Variants in SPAG16 observed in about 807,000 individuals in gnomAD.
The protein encoded by SPAG16 is sperm associated antigen 16, also known as sperm-associated antigen 16 protein.
SPAG16 carries 86 observed loss-of-function variants against 80.4 expected under a neutral mutation model. The ratio of observed to expected loss-of-function variants is 1.07; its 90% CI spans 0.90 to 1.28. SPAG16 has a LOEUF of 1.28. Ranked by LOEUF, SPAG16 falls within the 50% of genes most tolerant of loss-of-function variation. SPAG16 has a pLI of 0.00. For synonymous variants in SPAG16, 294 were observed against 265.9 expected (o/e 1.11, Z -1.03); for missense variants, 870 against 765.3 (o/e 1.14, Z -1.61).
At chr2:213,796,163 A>G (rs2071017485) in intron 10 of SPAG16, among the ~76,000 whole-genome samples, 1 of 152,080 alleles carries the variant, frequency 6.6e-6, no homozygotes. Flanking sequence ...TTTTATTTAT[A>G]TATTATAGTA....
chr2:213,624,955 T>C (rs2061911475), intron 10 of SPAG16, among the ~76,000 whole-genome samples: 1 of 152,140 alleles, frequency 6.6e-6, no homozygotes, highest in South Asian at 2.1e-4. Flanking sequence ...CATGCCCAGC[T>C]AATTTTTGTA....
chr2:213,776,823 G>A (rs2069609209), intron 10 of SPAG16, among the ~76,000 whole-genome samples: 1 of 91,678 alleles, frequency 1.1e-5, no homozygotes, highest in African/African-American at 3.4e-5. Flanking sequence ...AGCGTTCTAT[G>A]CCACCCCCCC....
Position 213,489,989 on chromosome 2 carries a change from A to G in SPAG16, c.969A>G (p.Gln323=), listed in dbSNP as rs377290499. ...TKDSEFPIDM[Q]PNPNLNVSKE... is the part of the protein sequence containing the mutation. ...ATTCAGAATTTCCCATAGATATGCA[A>G]CCAAATCCAAACCTGAATGTTTCTA... Residue 323 remains glutamine, a synonymous_variant, in exon 10 of 16, where the codon CAA becomes CAG. Transcript: ENST00000331683. 3 of 1,607,758 alleles carry G rather than the reference A, an allele frequency of 1.9e-6. No homozygotes were observed. Among genetic ancestry groups the G allele is most frequent in the African/African-American group, 2.7e-5 (2 of 74,726 alleles).
At chr2:213,594,510 T>G (rs2060819435) in intron 10 of SPAG16, among the ~76,000 whole-genome samples, 1 of 152,122 alleles carries the variant, frequency 6.6e-6, no homozygotes, top group African/African-American at 2.4e-5. Flanking sequence ...GCGGGGAGAA[T>G]GGGGGTGTGC....
intron 11 of SPAG16, among the ~76,000 whole-genome samples, chr2:213,868,897 A>G (rs1463467667): frequency 6.6e-6 from 1 of 152,160 alleles, no homozygotes; most frequent in Non-Finnish European, 1.5e-5. Flanking sequence ...ATATTTATGT[A>G]GTGCCTAAAA....
At chr2:214,303,508 T>C (rs1694702193) in intron 15 of SPAG16, among the ~76,000 whole-genome samples, 1 of 152,206 alleles carries the variant, frequency 6.6e-6, no homozygotes, top group South Asian at 2.1e-4. Flanking sequence ...TGAAGGTATT[T>C]TCTTAATAGG....
chr2:213,454,773 T>C (rs1169708403), intron 9 of SPAG16, among the ~76,000 whole-genome samples: 2 of 152,190 alleles, frequency 1.3e-5, no homozygotes, highest in Non-Finnish European at 2.9e-5. Context: ...TGAGCTCTTC[T>C]TTTACAGTCA....
chr2:214,228,297 G>T (rs1322091938), intron 15 of SPAG16, among the ~76,000 whole-genome samples: 1 of 151,718 alleles, frequency 6.6e-6, no homozygotes, highest in Admixed American at 6.6e-5. Context: ...AATTGAAAAA[G>T]TTTTCTCAAA....
At chr2:213,917,151 A>G (rs894264401) in intron 11 of SPAG16, among the ~76,000 whole-genome samples, 22 of 152,126 alleles carry the variant, frequency 1.4e-4, no homozygotes, top group African/African-American at 5.3e-4. Context: ...CTGTTTTTGC[A>G]CCAGTACCAT....
chr2:213,414,109 C>G (rs548598737), intron 9 of SPAG16, among the ~76,000 whole-genome samples: 1 of 152,160 alleles, frequency 6.6e-6, no homozygotes, highest in African/African-American at 2.4e-5. Flanking sequence ...ATTTTAACCA[C>G]TCTTTTCCAA....
chr2:213,337,594 CA>C, intron 5 of SPAG16, among the ~76,000 whole-genome samples: 1 of 151,948 alleles, frequency 6.6e-6, no homozygotes, highest in Non-Finnish European at 1.5e-5. Flanking sequence ...CATCAATAGC[CA>C]AAGAGACGAA....
chr2:213,875,551 T>G (rs965352184), intron 11 of SPAG16, among the ~76,000 whole-genome samples: 1 of 152,084 alleles, frequency 6.6e-6, no homozygotes, highest in Non-Finnish European at 1.5e-5. Flanking sequence ...AATTAAAGAG[T>G]CAACTAATTC....
intron 15 of SPAG16, among the ~76,000 whole-genome samples, chr2:214,184,878 G>T (rs886869647): frequency 6.6e-6 from 1 of 151,910 alleles, no homozygotes; most frequent in Admixed American, 6.6e-5. Flanking sequence ...TCAAAATAAA[G>T]TCTTCACTAA....
At chr2:214,076,707 G>T (rs1270730769) in intron 13 of SPAG16, among the ~76,000 whole-genome samples, 3 of 152,116 alleles carry the variant, frequency 2.0e-5, no homozygotes, top group African/African-American at 7.2e-5. Context: ...TATAGAATGT[G>T]CCTTGGGCTG....
intron 9 of SPAG16, among the ~76,000 whole-genome samples, chr2:213,402,441 T>C (rs140835638): frequency 0.021 from 3,176 of 152,194 alleles, 104 homozygotes; most frequent in African/African-American, 0.071. Flanking sequence ...TTATTATTAT[T>C]ATACTTTAAG....
intron 11 of SPAG16, among the ~76,000 whole-genome samples, chr2:213,867,926 C>A (rs10172549): frequency 0.12 from 5,250 of 44,712 alleles, 579 homozygotes; most frequent in South Asian, 0.16. Flanking sequence ...TCTGTCTCAA[C>A]AAAAAAAAAA....
intron 10 of SPAG16, among the ~76,000 whole-genome samples, chr2:213,684,436 A>G (rs1254506989): frequency 6.6e-6 from 1 of 152,222 alleles, no homozygotes; most frequent in Non-Finnish European, 1.5e-5. Flanking sequence ...AGAGGAAAAT[A>G]TCTCTTTTCT....
intron 8 of SPAG16, among the ~76,000 whole-genome samples, chr2:213,370,202 T>G (rs1423805319): frequency 6.6e-6 from 1 of 152,186 alleles, no homozygotes; most frequent in Admixed American, 6.5e-5. Flanking sequence ...TAACCACCAG[T>G]GAATGTTTAT....
chr2:214,017,393 A>G (rs2124984376), intron 13 of SPAG16, among the ~76,000 whole-genome samples: 2 of 152,334 alleles, frequency 1.3e-5, no homozygotes, highest in South Asian at 4.1e-4. Flanking sequence ...ATATCCATAG[A>G]GAAAATATTA....
Sources: allele counts gnomAD v4.1 joint callset (sites outside exome capture counted in the v4.1 genomes callset), GRCh38; gene constraint gnomAD v4.1.1; transcripts MANE v1.5; gene names NCBI Gene and HGNC (gene_info 2026-07-23, HGNC 2026-07-21).